Variants in RBFOX3 observed in about 807,000 individuals in gnomAD.
The protein encoded by RBFOX3 is RNA binding fox-1 homolog 3, also known as RNA binding protein fox-1 homolog 3.
Under a neutral mutation model 48.7 loss-of-function variants are expected in RBFOX3, and 17 were observed. That is an observed-to-expected ratio of 0.35 (90% CI 0.24 to 0.52). The LOEUF is 0.52. Among genes scored for constraint, RBFOX3 ranks in the 20% least tolerant of loss-of-function variants. The probability of loss-of-function intolerance (pLI) is 0.94; values close to 1 mark genes in which losing one functional copy is unlikely to be tolerated. For synonymous variants in RBFOX3, 212 were observed against 209.5 expected (o/e 1.01, Z -0.10); for missense variants, 382 against 497.5 (o/e 0.77, Z 2.21).
intron 1 of RBFOX3, among the ~76,000 whole-genome samples, chr17:79,540,916 G>C (rs2089600634): frequency 6.6e-6 from 1 of 152,164 alleles, no homozygotes; most frequent in Non-Finnish European, 1.5e-5. Flanking sequence ...GGGGCCACTA[G>C]CTGCAAGAAA....
chr17:79,584,636 G>A (rs2093180958), intron 1 of RBFOX3, among the ~76,000 whole-genome samples: 1 of 152,082 alleles, frequency 6.6e-6, no homozygotes, highest in African/African-American at 2.4e-5. Context: ...GGATGGAACT[G>A]GAGACTATTA....
intron 5 of RBFOX3, among the ~76,000 whole-genome samples, chr17:79,113,467 T>C (rs1297593007): frequency 6.6e-6 from 1 of 152,036 alleles, no homozygotes; most frequent in Non-Finnish European, 1.5e-5. Context: ...CTGCAGACCA[T>C]GACCCTGAAC....
intron 4 of RBFOX3, among the ~76,000 whole-genome samples, chr17:79,226,330 C>A (rs959668397): frequency 6.6e-6 from 1 of 152,186 alleles, no homozygotes; most frequent in African/African-American, 2.4e-5. Flanking sequence ...GGGCTTTAAC[C>A]GTATTAGCGT....
intron 3 of RBFOX3, among the ~76,000 whole-genome samples, chr17:79,305,430 T>C (rs932362823): frequency 6.6e-6 from 1 of 152,242 alleles, no homozygotes; most frequent in African/African-American, 2.4e-5. Flanking sequence ...GACGCACAGC[T>C]GTCCCAGTGG....
intron 2 of RBFOX3, among the ~76,000 whole-genome samples, chr17:79,454,056 G>A (rs1295858982): frequency 6.6e-6 from 1 of 152,114 alleles, no homozygotes; most frequent in Non-Finnish European, 1.5e-5. Flanking sequence ...ACAAGGGGTT[G>A]CACAGGAGGG....
At chr17:79,366,272 T>G (rs977735830) in intron 2 of RBFOX3, among the ~76,000 whole-genome samples, 4 of 152,178 alleles carry the variant, frequency 2.6e-5, no homozygotes, top group African/African-American at 9.7e-5. Context: ...GCACCATCAC[T>G]GGTAAAGGGG....
intron 2 of RBFOX3, among the ~76,000 whole-genome samples, chr17:79,331,943 C>A (rs775923986): frequency 6.6e-6 from 1 of 152,240 alleles, no homozygotes; most frequent in Admixed American, 6.5e-5. Flanking sequence ...TTGGTAGAGA[C>A]GTGCACCCCA....
chr17:79,404,255 C>G (rs1401562701), intron 2 of RBFOX3, among the ~76,000 whole-genome samples: 1 of 152,228 alleles, frequency 6.6e-6, no homozygotes, highest in African/African-American at 2.4e-5. Flanking sequence ...GTGGGCAGGG[C>G]CACAGCGGTG....
At chr17:79,133,382 A>G (rs1310323199) in intron 4 of RBFOX3, among the ~76,000 whole-genome samples, 1 of 152,098 alleles carries the variant, frequency 6.6e-6, no homozygotes, top group Non-Finnish European at 1.5e-5. Flanking sequence ...CTCAGCTGAG[A>G]TCTGTTTGCT....
chr17:79,277,220 G>T (rs748109998), intron 3 of RBFOX3, among the ~76,000 whole-genome samples: 2 of 148,164 alleles, frequency 1.3e-5, no homozygotes, highest in African/African-American at 2.5e-5. Context: ...GGCACAGCCT[G>T]GTTCTGCCCC....
At chr17:79,636,146 G>A in the RBFOX3 span, among the ~76,000 whole-genome samples, 1 of 152,104 alleles carries the variant, frequency 6.6e-6, no homozygotes, top group Non-Finnish European at 1.5e-5. Context: ...ATACTATAGG[G>A]TGAGGGGGAG....
chr17:79,321,901 T>G (rs1568038431), intron 2 of RBFOX3, among the ~76,000 whole-genome samples: 1 of 152,122 alleles, frequency 6.6e-6, no homozygotes, highest in Non-Finnish European at 1.5e-5. Context: ...AGATGGGGTT[T>G]CACCATGTTG....
chr17:79,301,924 G>A (rs971533623), intron 3 of RBFOX3, among the ~76,000 whole-genome samples: 4 of 152,176 alleles, frequency 2.6e-5, no homozygotes, highest in South Asian at 2.1e-4. Flanking sequence ...GAGATGGAAC[G>A]CAGGATGGAG....
upstream of RBFOX3, among the ~76,000 whole-genome samples, chr17:79,611,163 T>TCGCTCTCGCTCTCGCTCTCG (rs1568454594): frequency 4.2e-5 from 1 of 24,018 alleles, no homozygotes; most frequent in Non-Finnish European, 1.3e-4. Context: ...TCTCTCTCTC[T>TCGCTCTCGCTCTCGCTCTCG]CTCTCTCTCT....
At chr17:79,505,548 T>A (rs986150272) in intron 1 of RBFOX3, among the ~76,000 whole-genome samples, 8 of 152,178 alleles carry the variant, frequency 5.3e-5, no homozygotes, top group Admixed American at 3.9e-4. Flanking sequence ...GTGCTTGCCC[T>A]TAGATACTGA....
chr17:79,171,849 G>A (rs1301813643), intron 4 of RBFOX3, among the ~76,000 whole-genome samples: 2 of 152,096 alleles, frequency 1.3e-5, no homozygotes, highest in Non-Finnish European at 2.9e-5. Context: ...AATTTAAAAA[G>A]GGTGGAGGAG....
intron 2 of RBFOX3, among the ~76,000 whole-genome samples, chr17:79,425,311 C>G (rs569090517): frequency 6.6e-6 from 1 of 152,186 alleles, no homozygotes; most frequent in Non-Finnish European, 1.5e-5. Context: ...AAGTCCCCTC[C>G]GCAGTAACCC....
chr17:79,206,048 G>A (rs549409730), intron 4 of RBFOX3, among the ~76,000 whole-genome samples: 2 of 152,176 alleles, frequency 1.3e-5, no homozygotes, highest in Non-Finnish European at 2.9e-5. Flanking sequence ...GCAGGAAGGA[G>A]CAAGTCCAGC....
At chr17:79,306,208 G>A (rs901886368) in intron 3 of RBFOX3, among the ~76,000 whole-genome samples, 6 of 152,346 alleles carry the variant, frequency 3.9e-5, no homozygotes, top group African/African-American at 7.2e-5. Flanking sequence ...CTGGGTGGCC[G>A]TGACCTCCCT....
Sources: gnomAD v4.1 joint callset for allele counts (sites outside exome capture counted in the v4.1 genomes callset) on GRCh38, gnomAD v4.1.1 for gene constraint, MANE v1.5 for transcripts, NCBI Gene and HGNC (gene_info 2026-07-23, HGNC 2026-07-21) for gene names.